Variants in CAMKMT observed in about 807,000 individuals in gnomAD.
CAMKMT encodes calmodulin-lysine N-methyltransferase, also known as CaM KMT.
CAMKMT carries 53 observed loss-of-function variants against 48.0 expected under a neutral mutation model. That is an observed-to-expected ratio of 1.10 (90% CI 0.89 to 1.39). CAMKMT has a LOEUF of 1.39. Ranked by LOEUF, CAMKMT falls within the 40% of genes most tolerant of loss-of-function variation. CAMKMT has a pLI of 0.00. For synonymous variants in CAMKMT, 165 were observed against 152.3 expected, an observed-to-expected ratio of 1.08 and a Z score of -0.61; for missense variants, 428 against 402.7, an observed-to-expected ratio of 1.06 and a Z score of -0.54.
chr2:44,376,723 T>C (rs1428911579), intron 2 of CAMKMT, among the ~76,000 whole-genome samples: 1 of 152,248 alleles, frequency 6.6e-6, no homozygotes, highest in Non-Finnish European at 1.5e-5. Flanking sequence ...ATCTTGTTTA[T>C]ATAAGCAGTG....
At chr2:44,646,440 A>C (rs1390341108) in intron 3 of CAMKMT, among the ~76,000 whole-genome samples, 1 of 152,120 alleles carries the variant, frequency 6.6e-6, no homozygotes, top group South Asian at 2.1e-4. Context: ...GGGAAAGAGA[A>C]AGTTCAACAA....
At chr2:44,646,595 G>A (rs1005338902) in intron 3 of CAMKMT, among the ~76,000 whole-genome samples, 7 of 152,088 alleles carry the variant, frequency 4.6e-5, no homozygotes, top group African/African-American at 1.7e-4. Flanking sequence ...TTTATACTAA[G>A]GTGAACATTT....
At chr2:44,703,319 G>A (rs1231021224) in intron 3 of CAMKMT, among the ~76,000 whole-genome samples, 2 of 152,096 alleles carry the variant, frequency 1.3e-5, no homozygotes, top group Non-Finnish European at 2.9e-5. Flanking sequence ...ATCCATTCAT[G>A]AAGACTAAGT....
chr2:44,389,185 C>A (rs988432253), intron 2 of CAMKMT, among the ~76,000 whole-genome samples: 1 of 152,052 alleles, frequency 6.6e-6, no homozygotes, highest in Non-Finnish European at 1.5e-5. Context: ...CTTGCTGTAG[C>A]TGCTGTGGGG....
rs535658006 is a variant in CAMKMT, at chr2:44,421,935, G to C, written c.376+31630G>C. ...TCAAGCAATTCTCAGAGTATATTTT[G>C]AAGGCTGGAAAATGGGACTTGGGAA... On this transcript the variant is annotated intron_variant, in intron 3 of 10. Coordinates refer to ENST00000378494, the MANE Select transcript of CAMKMT (RefSeq NM_024766.5). 1.3e-4 allele frequency among the ~76,000 whole-genome samples: 20 copies of C among 152,296 alleles called. No individual in the cohort carries two copies. The East Asian group carries it at 3.9e-3, about 29-fold the overall frequency.
At chr2:44,716,812 T>C (rs1488358476) in intron 7 of CAMKMT, among the ~76,000 whole-genome samples, 1 of 152,198 alleles carries the variant, frequency 6.6e-6, no homozygotes, top group Non-Finnish European at 1.5e-5. Flanking sequence ...ATGTTTAAGG[T>C]CATTTGTGAG....
intron 2 of CAMKMT, among the ~76,000 whole-genome samples, chr2:44,389,863 T>G (rs1393753264): frequency 6.6e-6 from 1 of 152,114 alleles, no homozygotes; most frequent in Admixed American, 6.5e-5. Flanking sequence ...TAGAGTAAAT[T>G]TATGTATTGT....
chr2:44,744,128 ACT>A (rs1266695161), intron 8 of CAMKMT, among the ~76,000 whole-genome samples: 3 of 152,134 alleles, frequency 2.0e-5, no homozygotes, highest in South Asian at 2.1e-4. Flanking sequence ...ACACACACAT[ACT>A]CTCTAGCAAA....
chr2:44,430,829 G>GTAGGGTAAATTA (rs1441507805), intron 3 of CAMKMT, among the ~76,000 whole-genome samples: 3 of 152,086 alleles, frequency 2.0e-5, no homozygotes, highest in African/African-American at 7.2e-5. Flanking sequence ...ATATCCAGAA[G>GTAGGGTAAATTA]CAAGGAATTA....
intron 7 of CAMKMT, among the ~76,000 whole-genome samples, chr2:44,722,955 A>T (rs1678553482): frequency 6.6e-6 from 1 of 152,206 alleles, no homozygotes; most frequent in Admixed American, 6.5e-5. Context: ...GGGGGGTCTG[A>T]ATGTTAGGAA....
intron 3 of CAMKMT, among the ~76,000 whole-genome samples, chr2:44,574,633 AT>A (rs36097066): frequency 0.64 from 95,243 of 149,470 alleles, 30,713 homozygotes; most frequent in Admixed American, 0.71. Context: ...ACAAGCTATG[AT>A]TTTTTTTTTT....
chr2:44,466,439 A>G (rs1668115980), intron 3 of CAMKMT, among the ~76,000 whole-genome samples: 1 of 152,196 alleles, frequency 6.6e-6, no homozygotes, highest in Non-Finnish European at 1.5e-5. Flanking sequence ...CTGTGTCAAA[A>G]AAATCACCAG....
chr2:44,445,638 A>G (rs1666936894), intron 3 of CAMKMT, among the ~76,000 whole-genome samples: 1 of 130,076 alleles, frequency 7.7e-6, no homozygotes, highest in African/African-American at 2.9e-5. Flanking sequence ...ATGTCGGCAA[A>G]AGGGTAGTTT....
chr2:44,521,478 A>G (rs538999796), intron 3 of CAMKMT, among the ~76,000 whole-genome samples: 46 of 152,184 alleles, frequency 3.0e-4, no homozygotes, highest in African/African-American at 1.1e-3. Context: ...ATGGGGTTTC[A>G]CCATGTTGGC....
chr2:44,726,966 C>T (rs1442946104), intron 7 of CAMKMT, among the ~76,000 whole-genome samples: 1 of 152,060 alleles, frequency 6.6e-6, no homozygotes, highest in Non-Finnish European at 1.5e-5. Context: ...TATTCTGTTC[C>T]ATTGGTCTAT....
intron 3 of CAMKMT, among the ~76,000 whole-genome samples, chr2:44,620,349 T>C (rs79046078): frequency 0.014 from 2,130 of 152,256 alleles, 46 homozygotes; most frequent in African/African-American, 0.049. Flanking sequence ...TATCACTACC[T>C]TTAATTCTTT....
chr2:44,539,472 C>A (rs981649343), intron 3 of CAMKMT, among the ~76,000 whole-genome samples: 1 of 152,058 alleles, frequency 6.6e-6, no homozygotes, highest in Non-Finnish European at 1.5e-5. Context: ...AACCACAGTA[C>A]AATTATCAAA....
chr2:44,570,679 C>G (rs983758031), intron 3 of CAMKMT, among the ~76,000 whole-genome samples: 6 of 151,998 alleles, frequency 3.9e-5, no homozygotes, highest in African/African-American at 1.4e-4. Context: ...ATTAAAATTG[C>G]CTAATTTTTA....
chr2:44,703,809 T>G (rs929327708), intron 3 of CAMKMT, among the ~76,000 whole-genome samples: 2 of 148,334 alleles, frequency 1.3e-5, no homozygotes, highest in Non-Finnish European at 3.0e-5. Context: ...GAATTGTGCA[T>G]GTTTAAAAAT....
Sources: gnomAD v4.1 joint callset for allele counts (sites outside exome capture counted in the v4.1 genomes callset) on GRCh38, gnomAD v4.1.1 for gene constraint, MANE v1.5 for transcripts, NCBI Gene and HGNC (gene_info 2026-07-23, HGNC 2026-07-21) for gene names.